Variants in FHAD1 observed in about 807,000 individuals in gnomAD.
The protein encoded by FHAD1 is forkhead associated phosphopeptide binding domain 1, also known as forkhead-associated domain-containing protein 1.
Under a neutral mutation model 191.3 loss-of-function variants are expected in FHAD1, and 146 were observed. The observed-to-expected ratio is 0.76, with a 90% confidence interval of 0.67 to 0.88. The LOEUF (loss-of-function observed/expected upper bound fraction) is 0.88, where lower values mean the gene tolerates loss of function less well. Among genes scored for constraint, FHAD1 ranks in the 40% least tolerant of loss-of-function variants. FHAD1 has a pLI of 0.00. For missense variants in FHAD1, 1,635 were observed against 1,785.8 expected (o/e 0.92, Z 1.52); for synonymous variants, 616 against 672.3 (o/e 0.92, Z 1.29).
Position 15,360,704 on chromosome 1 carries a change from G to T in FHAD1, c.2962+1G>T. The T allele has an allele frequency of 6.4e-7, 1 of 1,551,208 alleles. No homozygotes were observed. Among genetic ancestry groups the T allele is most frequent in the South Asian group, 1.2e-5 (1 of 84,050 alleles). On this transcript the variant is annotated splice_donor_variant, in intron 22 of 33. Coordinates refer to ENST00000688493, the MANE Select transcript of FHAD1 (RefSeq NM_001391957.1). LOFTEE classifies it high-confidence loss of function. ...GCAACATTGAAGGACAATGACCCAGGTAAGTCCGAAGGGAGGCCAAGGAAA... is the reference window on the plus strand; with the variant it reads ...GCAACATTGAAGGACAATGACCCAGTTAAGTCCGAAGGGAGGCCAAGGAAA...
intron 32 of FHAD1, among the ~76,000 whole-genome samples, chr1:15,390,022 C>T (rs1041768595): frequency 2.6e-5 from 4 of 152,148 alleles, no homozygotes; most frequent in Non-Finnish European, 5.9e-5. Flanking sequence ...TAGCAGCCCA[C>T]GGCTATGCCT....
Position 15,276,008 on chromosome 1 carries a change from G to A in FHAD1, c.300+3479G>A, listed in dbSNP as rs1001848443. ...GCCATTTCAATAGGAAATGGGAGGT[G>A]GAGGCAGAAGTTAGAGACCCAAATG... On this transcript the variant is annotated intron_variant, in intron 3 of 33. Transcript: ENST00000688493. This position sits in a 1 kb window ranked among gnomAD's most constrained non-coding sequence, Gnocchi z 4.7. Among the ~76,000 whole-genome samples, 1 of 152,158 alleles carries A rather than the reference G, an allele frequency of 6.6e-6. No individual in the cohort carries two copies. Among genetic ancestry groups the A allele is most frequent in the African/African-American group, 2.4e-5 (1 of 41,438 alleles).
rs530646705 is a variant in FHAD1, at chr1:15,284,356, G to A, written c.301-5043G>A. 5.3e-5 allele frequency among the ~76,000 whole-genome samples: 8 copies of A among 152,118 alleles called. 1 individual carries two copies. The South Asian group carries it at 1.7e-3, about 32-fold the overall frequency. ...TAGCCGGGCATGGTGGTGGGCGCCT[G>A]TAGTCCCAGCTACTCGGGAAGCTGA... On this transcript the variant is annotated intron_variant, in intron 3 of 33. Coordinates refer to ENST00000688493, the MANE Select transcript of FHAD1 (RefSeq NM_001391957.1).
At chr1:15,245,831 A>G (rs572606568), upstream of FHAD1, among the ~76,000 whole-genome samples, 4 of 152,328 alleles carry the variant, frequency 2.6e-5, no homozygotes, top group East Asian at 7.7e-4. Flanking sequence ...CTAAATCAGA[A>G]TCTCTGGGGT....
chr1:15,402,491 T>C (rs972428668), downstream of FHAD1, among the ~76,000 whole-genome samples: 12 of 152,244 alleles, frequency 7.9e-5, no homozygotes, highest in Non-Finnish European at 1.3e-4. Flanking sequence ...GGATTGCTGC[T>C]GGGCGTTCTT....
In FHAD1 at chr1:15,397,396, C is replaced by T. The variant is rs1323419708; in HGVS notation, c.4423C>T (p.Pro1475Ser). 2.0e-6 allele frequency: 3 copies of T among 1,534,786 alleles called. No individual in the cohort carries two copies. Among genetic ancestry groups the T allele is most frequent in the East Asian group, 4.9e-5 (2 of 40,630 alleles). ...CAGCCAGAGCCTTTTGCATTCTAAG[C>T]CCAGTGGAAAGTACTAGAGAAACCT... ...KSSQSLLHSK[P>S]SGKY Residue 1475 changes from proline (P) to serine (S), a missense_variant, in exon 34 of 34, where the codon CCC becomes TCC. Coordinates refer to ENST00000688493, the MANE Select transcript of FHAD1 (RefSeq NM_001391957.1).
At chr1:15,258,621 GTTGCCC>G (rs1649492403) in intron 2 of FHAD1, among the ~76,000 whole-genome samples, 1 of 145,590 alleles carries the variant, frequency 6.9e-6, no homozygotes. Context: ...GTCTCGCTCT[GTTGCCC>G]AGGCTGGAGT....
At chr1:15,319,858 G>A (rs1212798033) in intron 10 of FHAD1, among the ~76,000 whole-genome samples, 6 of 152,192 alleles carry the variant, frequency 3.9e-5, no homozygotes, top group African/African-American at 1.4e-4. Flanking sequence ...GAAACATTTG[G>A]AAATCTGTTA....
chr1:15,393,710 C>G (rs1441578274), intron 33 of FHAD1, among the ~76,000 whole-genome samples: 4 of 151,642 alleles, frequency 2.6e-5, no homozygotes, highest in Non-Finnish European at 4.4e-5. Context: ...TCAAGTGATC[C>G]TCCCACCTCA....
chr1:15,348,715 C>T (rs1366412337), intron 18 of FHAD1, among the ~76,000 whole-genome samples: 1 of 152,176 alleles, frequency 6.6e-6, no homozygotes, highest in Non-Finnish European at 1.5e-5. Context: ...CCCGGGTGCC[C>T]TGTCGAGAGC....
intron 14 of FHAD1, chr1:15,334,622 A>T (rs1300371601): frequency 6.6e-6 from 1 of 152,250 alleles, no homozygotes; most frequent in East Asian, 1.9e-4. Flanking sequence ...GGACTGAGTG[A>T]TGGGATACAT....
Position 15,312,687 on chromosome 1 carries a change from A to C in FHAD1, c.1040-370A>C, listed in dbSNP as rs990178932. On this transcript the variant is annotated intron_variant, in intron 7 of 33. Transcript: ENST00000688493. The surrounding 1 kb of genome is among the most constrained non-coding windows in gnomAD (Gnocchi z 4.7). ...AAGAAAAAAGACGACTGAGCTAGTA[A>C]GTGCTAGAGACGGTTTCCAAACTCA... Among the ~76,000 whole-genome samples the C allele has an allele frequency of 6.6e-6, 1 of 152,172 alleles. No individual in the cohort carries two copies. The highest frequency in any genetic ancestry group is 1.5e-5 in the Non-Finnish European group (1 of 68,032).
At chr1:15,386,689 G>T (rs542481807) in intron 31 of FHAD1, among the ~76,000 whole-genome samples, 48 of 152,280 alleles carry the variant, frequency 3.2e-4, no homozygotes, top group African/African-American at 1.1e-3. Context: ...CCCTAACCTT[G>T]CCTCTGCATT....
At chr1:15,334,361 C>T (rs957705922) in intron 14 of FHAD1, 6 of 149,612 alleles carry the variant, frequency 4.0e-5, no homozygotes, top group African/African-American at 9.8e-5. Flanking sequence ...GTGCTGTCAT[C>T]GGCTCAGGCA....
chr1:15,345,256 C>G, intron 17 of FHAD1, 66 bp downstream of exon 17: 32 of 1,450,092 alleles, frequency 2.2e-5, no homozygotes, highest in Non-Finnish European at 3.0e-5. Flanking sequence ...GGATCTGGGG[C>G]TCTGGTCTGG....
chr1:15,388,818 G>C (rs1703020429), intron 32 of FHAD1, among the ~76,000 whole-genome samples: 1 of 152,210 alleles, frequency 6.6e-6, no homozygotes, highest in African/African-American at 2.4e-5. Context: ...CCCTAGAGGG[G>C]ACGGTGTGTG....
At chr1:15,338,608 G>T (rs1197019078) in intron 14 of FHAD1, among the ~76,000 whole-genome samples, 1 of 152,076 alleles carries the variant, frequency 6.6e-6, no homozygotes, top group African/African-American at 2.4e-5. Context: ...GAATCGTAGG[G>T]GGTCATCATT....
chr1:15,327,393 C>T lies in FHAD1; in HGVS notation c.1557+251C>T, dbSNP rs1161094992. ...AACCATTCGGGCTTACTTCTGGTCTCCAGACATGCATGTTTCGCCTCCATT... is the reference window on the plus strand; with the variant it reads ...AACCATTCGGGCTTACTTCTGGTCTTCAGACATGCATGTTTCGCCTCCATT... On this transcript the variant is annotated intron_variant, in intron 12 of 33. Transcript: ENST00000688493. This position sits in a 1 kb window ranked among gnomAD's most constrained non-coding sequence, Gnocchi z 5.1. 9.6e-6 allele frequency: 4 copies of T among 418,104 alleles called. No individual in the cohort carries two copies. Among genetic ancestry groups the T allele is most frequent in the Admixed American group, 8.5e-5 (2 of 23,608 alleles). The allele number at this position is 418,104 out of a possible 1,614,324, so 25.9% of individuals were successfully genotyped here. A position where few individuals can be genotyped will look rare whatever the true frequency, so the allele number is the denominator to read the frequency against.
downstream of FHAD1, among the ~76,000 whole-genome samples, chr1:15,398,509 C>G (rs1251460629): frequency 6.6e-6 from 1 of 152,074 alleles, no homozygotes; most frequent in Non-Finnish European, 1.5e-5. Context: ...CACAGCTAGT[C>G]AACTCAAGAG....
Sources: gnomAD v4.1 joint callset for allele counts (sites outside exome capture counted in the v4.1 genomes callset) on GRCh38, gnomAD v4.1.1 for gene constraint, Gnocchi (gnomAD v3.1) non-coding constraint, MANE v1.5 for transcripts, NCBI Gene and HGNC (gene_info 2026-07-23, HGNC 2026-07-21) for gene names.